STK10: variants seen among roughly 807,000 people sequenced by gnomAD.
STK10 encodes the protein serine/threonine-protein kinase 10.
STK10 carries 78 observed loss-of-function variants against 113.8 expected under a neutral mutation model. The ratio of observed to expected loss-of-function variants is 0.69; its 90% CI spans 0.57 to 0.83. The LOEUF (loss-of-function observed/expected upper bound fraction) is 0.83, where lower values mean the gene tolerates loss of function less well. Among genes scored for constraint, STK10 ranks in the 40% least tolerant of loss-of-function variants. The probability of loss-of-function intolerance (pLI) is 0.00; values close to 1 mark genes in which losing one functional copy is unlikely to be tolerated. For synonymous variants in STK10, 465 were observed against 494.7 expected (o/e 0.94, Z 0.80); for missense variants, 1,109 against 1,280.1 (o/e 0.87, Z 2.04).
At chr5:172,101,151 T>C (rs1768980872) in intron 7 of STK10, among the ~76,000 whole-genome samples, 1 of 152,008 alleles carries the variant, frequency 6.6e-6, no homozygotes, top group East Asian at 1.9e-4. Context: ...GAACAAAGGG[T>C]TATGTAACAG....
At chr5:172,098,984 CCATCACCACCAT>C (rs1768917775) in intron 7 of STK10, among the ~76,000 whole-genome samples, 2 of 150,992 alleles carry the variant, frequency 1.3e-5, no homozygotes, top group African/African-American at 4.9e-5. Flanking sequence ...ACCATCATTA[CCATCACCACCAT>C]CATTACCATT....
chr5:172,082,408 C>G lies in STK10; in HGVS notation c.1907G>C (p.Arg636Pro). Residue 636 changes from arginine to proline, a missense_variant, in exon 12 of 19, where the codon CGG (arginine) becomes CCG (proline). Around this residue, in one of 5 missense-constraint regions of STK10, gnomAD observed 885 missense variants for 991.1 expected, o/e 0.89. Coordinates refer to ENST00000176763, the MANE Select transcript of STK10 (RefSeq NM_005990.4). This position sits in a 1 kb window ranked among gnomAD's most constrained non-coding sequence, Gnocchi z 4.3. ...KMEQDHAVRR[R>P]EEARRIRLEQ... Reference sequence around the variant, plus strand: ...CAGGCGGATCCGCCTGGCCTCCTCCCGGCGGCGCACGGCATGGTCTTGCTC... The same window carrying G: ...CAGGCGGATCCGCCTGGCCTCCTCCGGGCGGCGCACGGCATGGTCTTGCTC... 1 of 1,611,546 alleles carries G rather than the reference C, an allele frequency of 6.2e-7. No individual in the cohort carries two copies.
Position 172,057,312 on chromosome 5 carries a change from G to A in STK10, c.2337+37C>T, listed in dbSNP as rs368252061. ...CTCATGGCTCTCCCAGGTCGGCCCGGCAGCAGATCCGAGCCCCGTGCCACC... is the reference window on the plus strand; with the variant it reads ...CTCATGGCTCTCCCAGGTCGGCCCGACAGCAGATCCGAGCCCCGTGCCACC... On this transcript the variant is annotated intron_variant, in intron 15 of 18. Transcript: ENST00000176763. The A allele has an allele frequency of 8.3e-6, 13 of 1,570,656 alleles. No homozygotes were observed. In the South Asian group the frequency reaches 1.0e-4, roughly 13 times the overall value.
chr5:172,050,362 C>T (rs1292920688), intron 18 of STK10, among the ~76,000 whole-genome samples: 1 of 152,134 alleles, frequency 6.6e-6, no homozygotes, highest in Non-Finnish European at 1.5e-5. Context: ...GTGGGCTGAA[C>T]TCGCCACTTG....
chr5:172,100,592 C>G (rs1260303527), intron 7 of STK10, among the ~76,000 whole-genome samples: 1 of 151,960 alleles, frequency 6.6e-6, no homozygotes, highest in East Asian at 1.9e-4. Flanking sequence ...TTCGAGACCA[C>G]CCTGGCCAAC....
intron 17 of STK10, among the ~76,000 whole-genome samples, chr5:172,053,694 C>T (rs1767682596): frequency 1.3e-5 from 2 of 152,244 alleles, no homozygotes; most frequent in Admixed American, 6.5e-5. Context: ...TGCCTTTATC[C>T]AGATACCACG....
At chr5:172,052,243 G>C (rs1255614678) in intron 18 of STK10, among the ~76,000 whole-genome samples, 1 of 152,206 alleles carries the variant, frequency 6.6e-6, no homozygotes, top group East Asian at 1.9e-4. Flanking sequence ...GTGATAAGGA[G>C]TGCCGGTGGC....
chr5:172,171,534 T>C (rs1218437106), intron 1 of STK10, among the ~76,000 whole-genome samples: 2 of 151,702 alleles, frequency 1.3e-5, no homozygotes, highest in Non-Finnish European at 2.9e-5. Flanking sequence ...GCCAACAGAG[T>C]GAAACTCCAT....
chr5:172,049,332 C>T (rs1030603670), intron 18 of STK10, among the ~76,000 whole-genome samples: 1 of 152,022 alleles, frequency 6.6e-6, no homozygotes, highest in Non-Finnish European at 1.5e-5. Context: ...GGACGGGGAG[C>T]CCAGAAGACA....
At chr5:172,141,062 A>G (rs1725707027) in intron 2 of STK10, among the ~76,000 whole-genome samples, 1 of 152,236 alleles carries the variant, frequency 6.6e-6, no homozygotes, top group African/African-American at 2.4e-5. Flanking sequence ...CTGGTAAAAC[A>G]GTCAAAATCC....
At chr5:172,056,946 A>AGAAGGAAGGAAGGAAGGAAGGAAG (rs1429819331) in intron 15 of STK10, 2 of 89,096 alleles carry the variant, frequency 2.2e-5, no homozygotes, top group African/African-American at 1.1e-4. Flanking sequence ...AAAGAAAGAA[A>AGAAGGAAGGAAGGAAGGAAGGAAG]GAAAGAAGGA....
chr5:172,152,674 G>A lies in STK10; in HGVS notation c.321+3950C>T, dbSNP rs1770262643. On this transcript the variant is annotated intron_variant, in intron 2 of 18. Coordinates refer to ENST00000176763, the MANE Select transcript of STK10 (RefSeq NM_005990.4). ...AAAACTGAGACTTGGTTCAGTTACT[G>A]GGAAACGTTTAAGAATGTTGGAACA... 2.0e-5 allele frequency among the ~76,000 whole-genome samples: 3 copies of A among 152,160 alleles called. No homozygotes were observed. In the South Asian group the frequency reaches 6.2e-4, roughly 32 times the overall value.
intron 4 of STK10, chr5:172,114,473 A>ATATATATATATATATTT (rs1226289994): frequency 2.1e-5 from 1 of 47,540 alleles, no homozygotes; most frequent in Non-Finnish European, 3.2e-5. Flanking sequence ...ATATATATAT[A>ATATATATATATATATTT]TTTTTTTTTT....
At chr5:172,165,224 G>A (rs1289945086) in intron 1 of STK10, among the ~76,000 whole-genome samples, 3 of 151,968 alleles carry the variant, frequency 2.0e-5, no homozygotes, top group Non-Finnish European at 4.4e-5. Context: ...CCGGGAAATA[G>A]CTGATATCAC....
chr5:172,068,112 G>A (rs538645227), intron 12 of STK10, among the ~76,000 whole-genome samples: 79 of 152,310 alleles, frequency 5.2e-4, no homozygotes, highest in African/African-American at 1.7e-3. Context: ...AGGCTAAGGC[G>A]GGTGGATCAC....
chr5:172,100,225 C>T (rs559619313), intron 7 of STK10, among the ~76,000 whole-genome samples: 2 of 152,286 alleles, frequency 1.3e-5, no homozygotes, highest in East Asian at 3.9e-4. Flanking sequence ...CTAGCCTGCA[C>T]CAGGTAGGCT....
intron 8 of STK10, 55 bp downstream of exon 8, chr5:172,096,371 C>G (rs1369889329): frequency 6.3e-7 from 1 of 1,596,696 alleles, no homozygotes; most frequent in Non-Finnish European, 8.5e-7. Context: ...CCAGCAGGGC[C>G]AGCTGAGATC....
At chr5:172,162,859 T>C (rs572616652) in intron 1 of STK10, among the ~76,000 whole-genome samples, 1 of 152,316 alleles carries the variant, frequency 6.6e-6, no homozygotes, top group East Asian at 1.9e-4. Context: ...TGGGGACCAT[T>C]TTCCAGGAGT....
intron 1 of STK10, among the ~76,000 whole-genome samples, chr5:172,182,400 T>C (rs2113845466): frequency 6.6e-6 from 1 of 150,962 alleles, no homozygotes; most frequent in South Asian, 2.1e-4. Context: ...TGAGCCAGGG[T>C]CTCAGGGTCT....
Sources: allele counts gnomAD v4.1 joint callset (sites outside exome capture counted in the v4.1 genomes callset), GRCh38; gene constraint gnomAD v4.1.1; regional missense constraint gnomAD v4.1.1; non-coding constraint Gnocchi (gnomAD v3.1); transcripts MANE v1.5; gene names NCBI Gene and HGNC (gene_info 2026-07-23, HGNC 2026-07-21).